Variants in PPP2R2B observed in about 807,000 individuals in gnomAD.
The protein encoded by PPP2R2B is serine/threonine-protein phosphatase 2A 55 kDa regulatory subunit B beta isoform.
In PPP2R2B, 5 loss-of-function variants were observed where a neutral mutation model predicts 46.0. The ratio of observed to expected loss-of-function variants is 0.11; its 90% CI spans 0.06 to 0.23. The LOEUF is 0.23. Among genes scored for constraint, PPP2R2B ranks in the 10% least tolerant of loss-of-function variants. The pLI, the probability that PPP2R2B is intolerant of heterozygous loss-of-function variation, is 1.00. For synonymous variants in PPP2R2B, 215 were observed against 206.7 expected (o/e 1.04, Z -0.34); for missense variants, 367 against 575.0 (o/e 0.64, Z 3.70).
chr5:146,773,404 C>T (rs1007253874), intron 2 of PPP2R2B, among the ~76,000 whole-genome samples: 2 of 152,190 alleles, frequency 1.3e-5, no homozygotes, highest in African/African-American at 4.8e-5. Context: ...GCTTCATGCT[C>T]TTCTTTCAGA....
chr5:146,638,843 A>T (rs1229804849), intron 6 of PPP2R2B, among the ~76,000 whole-genome samples: 1 of 152,200 alleles, frequency 6.6e-6, no homozygotes, highest in Non-Finnish European at 1.5e-5. Context: ...TATTGGGCTG[A>T]TAAGTGATAT....
upstream of PPP2R2B, among the ~76,000 whole-genome samples, chr5:146,883,609 T>C (rs1762235776): frequency 6.6e-6 from 1 of 152,346 alleles, no homozygotes; most frequent in South Asian, 2.1e-4. Flanking sequence ...ATTTCTCTAT[T>C]GTGGAATCAT....
intron 1 of PPP2R2B, among the ~76,000 whole-genome samples, chr5:146,942,212 A>G (rs943858430): frequency 2.6e-5 from 4 of 152,362 alleles, no homozygotes; most frequent in African/African-American, 9.6e-5. Flanking sequence ...TGGAGAGAAC[A>G]TGATTTAACC....
intron 7 of PPP2R2B, among the ~76,000 whole-genome samples, chr5:146,631,804 G>A (rs1463821139): frequency 6.6e-6 from 1 of 152,112 alleles, no homozygotes; most frequent in Non-Finnish European, 1.5e-5. Context: ...CTGGTCCTTT[G>A]GTCCTTTGTC....
intron 5 of PPP2R2B, among the ~76,000 whole-genome samples, chr5:146,654,664 C>T (rs577590036): frequency 1.3e-3 from 195 of 152,262 alleles, no homozygotes; most frequent in African/African-American, 4.5e-3. Context: ...GCTGAAAGAA[C>T]TATTTCTGTG....
At chr5:146,893,971 A>G (rs1289056524) in intron 1 of PPP2R2B, among the ~76,000 whole-genome samples, 1 of 151,712 alleles carries the variant, frequency 6.6e-6, no homozygotes, top group African/African-American at 2.4e-5. Context: ...GCTTGAACCC[A>G]GGAGGCGGAG....
At chr5:147,053,581 T>C (rs1756936399) in intron 1 of PPP2R2B, among the ~76,000 whole-genome samples, 1 of 94,864 alleles carries the variant, frequency 1.1e-5, no homozygotes, top group Admixed American at 1.0e-4. Flanking sequence ...CAACCTCAGA[T>C]GTATACTGAT....
intron 1 of PPP2R2B, among the ~76,000 whole-genome samples, chr5:146,965,794 A>C (rs187473727): frequency 6.6e-6 from 1 of 152,326 alleles, no homozygotes; most frequent in African/African-American, 2.4e-5. Flanking sequence ...ATAGCAGGAA[A>C]GCATGATGGT....
chr5:147,045,241 T>C (rs974258608), intron 1 of PPP2R2B, among the ~76,000 whole-genome samples: 9 of 152,204 alleles, frequency 5.9e-5, no homozygotes, highest in African/African-American at 2.2e-4. Flanking sequence ...TACTGCATAA[T>C]GACATTTTGG....
rs555537420 is a variant in PPP2R2B, at chr5:146,902,103, A to G, written c.79+153562T>C. ...GTTTGACTTACCTAAAGACCTCACCATGTGCACACTCCACTGGCATCTCAG... is the reference window on the plus strand; with the variant it reads ...GTTTGACTTACCTAAAGACCTCACCGTGTGCACACTCCACTGGCATCTCAG... On this transcript the variant is annotated intron_variant, in intron 1 of 8. Coordinates refer to the PPP2R2B transcript ENST00000336640. Among the ~76,000 whole-genome samples the G allele has an allele frequency of 3.9e-5, 6 of 152,278 alleles. No homozygotes were observed. In the East Asian group the frequency reaches 1.2e-3, roughly 29 times the overall value.
At chr5:146,866,324 C>A (rs1227458623) in intron 2 of PPP2R2B, among the ~76,000 whole-genome samples, 1 of 152,146 alleles carries the variant, frequency 6.6e-6, no homozygotes, top group Non-Finnish European at 1.5e-5. Flanking sequence ...TCAGTTTGCT[C>A]TTAATAACAT....
chr5:146,857,505 A>G (rs1234023164), intron 2 of PPP2R2B, among the ~76,000 whole-genome samples: 1 of 152,116 alleles, frequency 6.6e-6, no homozygotes. Context: ...TCAATGTTTC[A>G]TTTCATATTC....
At chr5:146,616,419 A>C (rs1340760417) in intron 7 of PPP2R2B, among the ~76,000 whole-genome samples, 3 of 152,228 alleles carry the variant, frequency 2.0e-5, no homozygotes, top group Non-Finnish European at 4.4e-5. Context: ...ACAGCAAAGG[A>C]AACAGTCAAC....
intron 1 of PPP2R2B, among the ~76,000 whole-genome samples, chr5:147,002,192 C>T (rs527740036): frequency 6.6e-6 from 1 of 152,102 alleles, no homozygotes; most frequent in African/African-American, 2.4e-5. Context: ...ACTCTGTTAC[C>T]TTCTTTAGGC....
At chr5:146,677,229 G>A (rs1050745546) in intron 5 of PPP2R2B, among the ~76,000 whole-genome samples, 1 of 152,124 alleles carries the variant, frequency 6.6e-6, no homozygotes, top group African/African-American at 2.4e-5. Context: ...CTTTGTATCT[G>A]GATGTTTTCG....
In PPP2R2B at chr5:146,936,567, T is replaced by C. The variant is rs528109698; in HGVS notation, c.79+119098A>G. ...ATGTCTATTGAGATTTTTACAGTCG[T>C]TTTGATTGCTTTTCACATCACTAGG... On this transcript the variant is annotated intron_variant, in intron 1 of 8. Coordinates refer to the PPP2R2B transcript ENST00000336640. 2.7e-5 allele frequency among the ~76,000 whole-genome samples: 4 copies of C among 150,508 alleles called. No individual in the cohort carries two copies. In the South Asian group the frequency reaches 8.5e-4, roughly 32 times the overall value.
intron 2 of PPP2R2B, among the ~76,000 whole-genome samples, chr5:146,807,868 C>T (rs1340009277): frequency 7.3e-6 from 1 of 136,424 alleles, no homozygotes; most frequent in Non-Finnish European, 1.5e-5. Context: ...GGCACGATCT[C>T]AGCTCACTGC....
At chr5:147,055,300 C>A (rs1757027715) in intron 1 of PPP2R2B, among the ~76,000 whole-genome samples, 2 of 152,224 alleles carry the variant, frequency 1.3e-5, no homozygotes. Context: ...AAACAGAGAG[C>A]TCGGACAGAT....
At chr5:146,729,619 G>A (rs959931031) in intron 2 of PPP2R2B, among the ~76,000 whole-genome samples, 2 of 152,188 alleles carry the variant, frequency 1.3e-5, no homozygotes, top group Non-Finnish European at 2.9e-5. Context: ...GTGCAGTTTA[G>A]GGACTTGGTG....
Sources: allele counts gnomAD v4.1 joint callset (sites outside exome capture counted in the v4.1 genomes callset), GRCh38; gene constraint gnomAD v4.1.1; transcripts MANE v1.5; gene names NCBI Gene and HGNC (gene_info 2026-07-23, HGNC 2026-07-21).